The following CTIF variants were observed in gnomAD, a reference collection of about 807,000 sequenced individuals.
The protein encoded by CTIF is CBP80/20-dependent translation initiation factor.
A neutral mutation model predicts 66.0 loss-of-function variants in CTIF; 21 were observed. The observed-to-expected ratio is 0.32, with a 90% CI of 0.23 to 0.46. CTIF has a LOEUF of 0.46. Ranked by LOEUF, CTIF falls within the 20% of genes least tolerant of loss-of-function variation. The pLI, the probability that CTIF is intolerant of heterozygous loss-of-function variation, is 1.00. For missense variants in CTIF, 739 were observed against 812.7 expected (o/e 0.91, Z 1.10); for synonymous variants, 345 against 326.4 (o/e 1.06, Z -0.62).
chr18:48,781,715 CA>C (rs957528829), intron 9 of CTIF, among the ~76,000 whole-genome samples: 4 of 151,986 alleles, frequency 2.6e-5, no homozygotes, highest in African/African-American at 9.7e-5. Flanking sequence ...CCTTGTCAAA[CA>C]GTAGAAAAGG....
At chr18:48,614,159 T>G (rs914626436) in intron 1 of CTIF, among the ~76,000 whole-genome samples, 1 of 152,166 alleles carries the variant, frequency 6.6e-6, no homozygotes, top group Non-Finnish European at 1.5e-5. Flanking sequence ...GCCCAGCTGT[T>G]TGGGGACTTC....
At chr18:48,846,447 A>C (rs965392180) in intron 10 of CTIF, among the ~76,000 whole-genome samples, 2 of 114,468 alleles carry the variant, frequency 1.7e-5, no homozygotes, top group Non-Finnish European at 3.7e-5. Context: ...TGCCGAGTGG[A>C]TGGATGGATG....
intron 1 of CTIF, among the ~76,000 whole-genome samples, chr18:48,574,132 C>T (rs142807375): frequency 2.6e-5 from 4 of 152,354 alleles, no homozygotes; most frequent in African/African-American, 4.8e-5. Flanking sequence ...TCCTTCCTGC[C>T]GGGGCGGCTT....
intron 1 of CTIF, among the ~76,000 whole-genome samples, chr18:48,617,101 C>T (rs1326190210): frequency 2.0e-5 from 3 of 152,192 alleles, no homozygotes; most frequent in South Asian, 2.1e-4. Context: ...TGCTTCCAGG[C>T]TCATTGGTTC....
At chr18:48,711,547 G>A (rs1414125722) in intron 6 of CTIF, 72 bp from the exon 7 acceptor site, 22 of 1,177,858 alleles carry the variant, frequency 1.9e-5, no homozygotes, top group East Asian at 4.7e-5. Context: ...GGTGTACTTA[G>A]TGCAGTCCCA....
chr18:48,709,255 G>C (rs2092196375), intron 6 of CTIF, among the ~76,000 whole-genome samples: 1 of 152,224 alleles, frequency 6.6e-6, no homozygotes. Flanking sequence ...CCACTGTCAT[G>C]GTTTATACAC....
intron 1 of CTIF, among the ~76,000 whole-genome samples, chr18:48,603,369 A>ATGGATGGATGGATG (rs1555652731): frequency 2.4e-5 from 3 of 123,342 alleles, no homozygotes; most frequent in Admixed American, 7.7e-5. Flanking sequence ...ATAGGTGGGT[A>ATGGATGGATGGATG]GATGGATGGA....
chr18:48,841,231 G>A (rs2068933860), intron 10 of CTIF, among the ~76,000 whole-genome samples: 1 of 152,222 alleles, frequency 6.6e-6, no homozygotes, highest in South Asian at 2.1e-4. Flanking sequence ...GCATAGCCTT[G>A]CAGATAATCT....
chr18:48,597,228 A>G (rs2090002555), intron 1 of CTIF, among the ~76,000 whole-genome samples: 1 of 152,264 alleles, frequency 6.6e-6, no homozygotes, highest in Non-Finnish European at 1.5e-5. Flanking sequence ...AAAAGGAGGA[A>G]GACATAGAGT....
Position 48,572,571 on chromosome 18 carries a change from T to C in CTIF, c.-29+33259T>C, listed in dbSNP as rs1364124445. Among the ~76,000 whole-genome samples, 3 of 152,164 alleles carry C rather than the reference T, an allele frequency of 2.0e-5. No individual in the cohort carries two copies. The East Asian group carries it at 5.8e-4, about 29-fold the overall frequency. On this transcript the variant is annotated intron_variant, in intron 1 of 11. Transcript: ENST00000256413. ...CAGAATCTGGCCTGGGCTAGTCCAGTACAAAACTCACATCCTAACCCCATG... is the reference window on the plus strand; with the variant it reads ...CAGAATCTGGCCTGGGCTAGTCCAGCACAAAACTCACATCCTAACCCCATG...
chr18:48,722,601 C>A (rs2092349156), intron 7 of CTIF, among the ~76,000 whole-genome samples: 1 of 151,644 alleles, frequency 6.6e-6, no homozygotes, highest in African/African-American at 2.4e-5. Context: ...TGTTGGTGCT[C>A]ACAGGTGTAA....
intron 10 of CTIF, among the ~76,000 whole-genome samples, chr18:48,837,845 C>G (rs549537031): frequency 2.6e-5 from 4 of 152,298 alleles, no homozygotes; most frequent in African/African-American, 9.6e-5. Flanking sequence ...CCCTGCCCCC[C>G]ACCAACCTGT....
chr18:48,690,983 T>C (rs1381110161), intron 6 of CTIF, among the ~76,000 whole-genome samples: 1 of 152,130 alleles, frequency 6.6e-6, no homozygotes, highest in Non-Finnish European at 1.5e-5. Context: ...TGGGGCCCAC[T>C]GGGAGCCACT....
chr18:48,703,529 C>T (rs1432790864), intron 6 of CTIF, among the ~76,000 whole-genome samples: 4 of 152,190 alleles, frequency 2.6e-5, no homozygotes, highest in South Asian at 2.1e-4. Flanking sequence ...CAAAAAGCTG[C>T]TGTATGGGAG....
chr18:48,609,277 G>A (rs1264017270), intron 1 of CTIF, among the ~76,000 whole-genome samples: 16 of 152,292 alleles, frequency 1.1e-4, no homozygotes, highest in Non-Finnish European at 2.9e-5. Context: ...GATAGCAGTC[G>A]TCATTGATAT....
At chr18:48,836,649 C>T (rs2068817178) in intron 10 of CTIF, among the ~76,000 whole-genome samples, 1 of 152,228 alleles carries the variant, frequency 6.6e-6, no homozygotes. Context: ...GGGTGGGAAG[C>T]CCCAGGAGAC....
intron 7 of CTIF, among the ~76,000 whole-genome samples, chr18:48,728,254 G>A (rs1198744650): frequency 1.3e-5 from 2 of 152,108 alleles, no homozygotes; most frequent in Non-Finnish European, 2.9e-5. Flanking sequence ...GTCTCTTCAT[G>A]GCATTTGAAG....
chr18:48,722,779 C>A (rs2092352179), intron 7 of CTIF, among the ~76,000 whole-genome samples: 1 of 152,166 alleles, frequency 6.6e-6, no homozygotes, highest in East Asian at 1.9e-4. Context: ...CCCATCGGCG[C>A]TCACAGGTGT....
In CTIF at chr18:48,860,241, C is replaced by T; in HGVS notation, c.*682C>T. On this transcript the variant is annotated 3_prime_UTR_variant, in exon 12 of 12. Transcript: ENST00000256413. ...GATGGAGTTTGCAGTTCCACTTGCA[C>T]TCTTTTGTTTATTGTGTTTTATTTT... is the stretch of plus-strand genomic sequence containing the variant. The T allele has an allele frequency of 6.1e-6, 2 of 326,734 alleles. No homozygotes were observed. Among genetic ancestry groups the T allele is most frequent in the South Asian group, 2.6e-5 (1 of 38,544 alleles). 20.2% of individuals were successfully genotyped at this position (326,734 alleles called of 1,614,324 possible). A position where few individuals can be genotyped will look rare whatever the true frequency, so the allele number is the denominator to read the frequency against.
Sources: gnomAD v4.1 joint callset for allele counts (sites outside exome capture counted in the v4.1 genomes callset) on GRCh38, gnomAD v4.1.1 for gene constraint, MANE v1.5 for transcripts, NCBI Gene and HGNC (gene_info 2026-07-23, HGNC 2026-07-21) for gene names.